Variants in SMARCD3 observed in about 807,000 individuals in gnomAD.
SMARCD3 encodes the protein SWI/SNF related BAF chromatin remodeling complex subunit D3.
Under a neutral mutation model 58.0 loss-of-function variants are expected in SMARCD3, and 14 were observed. That is an observed-to-expected ratio of 0.24 (90% confidence interval 0.16 to 0.38). The LOEUF is 0.38. Ranked by LOEUF, SMARCD3 falls within the 10% of genes least tolerant of loss-of-function variation. The pLI is 1.00. For missense variants in SMARCD3, 408 were observed against 636.9 expected (o/e 0.64, Z 3.87); for synonymous variants, 253 against 253.8 (o/e 1.00, Z 0.03).
chr7:151,256,263 T>C (rs962636686), intron 2 of SMARCD3, among the ~76,000 whole-genome samples: 3 of 151,512 alleles, frequency 2.0e-5, no homozygotes, highest in Non-Finnish European at 2.9e-5. Context: ...CTCTGCCTCC[T>C]GGGCTCAAGC....
chr7:151,273,664 C>G (rs923463820), intron 2 of SMARCD3, among the ~76,000 whole-genome samples: 10 of 152,234 alleles, frequency 6.6e-5, no homozygotes, highest in African/African-American at 2.4e-4. Flanking sequence ...AAGGGTGGGA[C>G]GTTTGCTTGG....
Position 151,242,676 on chromosome 7 carries a change from G to A in SMARCD3, c.456+45C>T. On this transcript the variant is annotated intron_variant, in intron 4 of 12. Coordinates refer to ENST00000262188, the MANE Select transcript of SMARCD3 (RefSeq NM_001003801.2). The surrounding 1 kb of genome is among the most constrained non-coding windows in gnomAD (Gnocchi z 4.7). ...CCGACCACCCTGCTTCCCCATCCTGGTCACACAACTCTAGAGTCCCCTTCC... is the reference window on the plus strand; with the variant it reads ...CCGACCACCCTGCTTCCCCATCCTGATCACACAACTCTAGAGTCCCCTTCC... 4 of 1,613,350 alleles carry A rather than the reference G, an allele frequency of 2.5e-6. No individual in the cohort carries two copies. Among genetic ancestry groups the A allele is most frequent in the Non-Finnish European group, 3.4e-6 (4 of 1,179,428 alleles).
chr7:151,243,738 G>T lies in SMARCD3; in HGVS notation c.291-37C>A. On this transcript the variant is annotated intron_variant, in intron 2 of 12. Coordinates refer to ENST00000262188, the MANE Select transcript of SMARCD3 (RefSeq NM_001003801.2). This position sits in a 1 kb window ranked among gnomAD's most constrained non-coding sequence, Gnocchi z 4.4. ...TTAAAGAAAAAACCAGGTTACCATG[G>T]CGACAGATCTGGGCGTAACGAGGCC... 2 of 1,510,558 alleles carry T rather than the reference G, an allele frequency of 1.3e-6. No homozygotes were observed. Among genetic ancestry groups the T allele is most frequent in the Non-Finnish European group, 1.8e-6 (2 of 1,085,506 alleles). 93.6% of individuals were successfully genotyped at this position (1,510,558 alleles called of 1,614,324 possible). A position where few individuals can be genotyped will look rare whatever the true frequency, so the allele number is the denominator to read the frequency against.
intron 2 of SMARCD3, among the ~76,000 whole-genome samples, chr7:151,258,647 A>G (rs1276856794): frequency 1.3e-5 from 2 of 151,478 alleles, no homozygotes; most frequent in Non-Finnish European, 2.9e-5. Context: ...CAGGCCTTCC[A>G]TCTTATTCCG....
intron 2 of SMARCD3, among the ~76,000 whole-genome samples, chr7:151,264,437 C>T (rs1188519981): frequency 1.3e-5 from 2 of 152,138 alleles, no homozygotes; most frequent in Non-Finnish European, 2.9e-5. Context: ...ATGGCAGTGG[C>T]TTTTGGCACA....
intron 2 of SMARCD3, among the ~76,000 whole-genome samples, chr7:151,266,082 G>A (rs561342082): frequency 6.6e-6 from 1 of 152,082 alleles, no homozygotes; most frequent in South Asian, 2.1e-4. Flanking sequence ...CGATTCTCAT[G>A]CCTCCGCCTC....
intron 2 of SMARCD3, among the ~76,000 whole-genome samples, chr7:151,266,769 T>C (rs1164164679): frequency 6.6e-6 from 1 of 152,188 alleles, no homozygotes; most frequent in Non-Finnish European, 1.5e-5. Context: ...TGGAGTACAG[T>C]GGTGTGATCA....
At chr7:151,240,813 A>G (rs770737615) in intron 8 of SMARCD3, 9 of 421,912 alleles carry the variant, frequency 2.1e-5, no homozygotes, top group Admixed American at 4.1e-5. Flanking sequence ...GGAGCAAGTT[A>G]ACACCTCAGG....
At chr7:151,268,313 G>T (rs1003944512) in intron 2 of SMARCD3, among the ~76,000 whole-genome samples, 1 of 152,212 alleles carries the variant, frequency 6.6e-6, no homozygotes, top group Non-Finnish European at 1.5e-5. Context: ...AGAGACAATC[G>T]GGTGGAGCTG....
intron 2 of SMARCD3, among the ~76,000 whole-genome samples, chr7:151,257,567 C>T (rs1245730036): frequency 4.6e-5 from 7 of 152,262 alleles, no homozygotes; most frequent in African/African-American, 7.2e-5. Flanking sequence ...CCTTGTGATC[C>T]GCCTGCCTTG....
chr7:151,269,700 C>T (rs1009344791), intron 2 of SMARCD3, among the ~76,000 whole-genome samples: 1 of 152,114 alleles, frequency 6.6e-6, no homozygotes, highest in Non-Finnish European at 1.5e-5. Flanking sequence ...TTAGATGGTG[C>T]TCTGGGGTCC....
intron 2 of SMARCD3, among the ~76,000 whole-genome samples, chr7:151,266,772 T>C (rs11976921): frequency 0.099 from 15,082 of 152,206 alleles, 854 homozygotes; most frequent in African/African-American, 0.12. Context: ...AGTACAGTGG[T>C]GTGATCATGG....
chr7:151,243,754 T>C lies in SMARCD3; in HGVS notation c.291-53A>G. On this transcript the variant is annotated intron_variant, in intron 2 of 12. Coordinates refer to ENST00000262188, the MANE Select transcript of SMARCD3 (RefSeq NM_001003801.2). This position sits in a 1 kb window ranked among gnomAD's most constrained non-coding sequence, Gnocchi z 4.4. ...GTTACCATGGCGACAGATCTGGGCG[T>C]AACGAGGCCACCTGCTAGATTATCC... 1 of 1,276,102 alleles carries C rather than the reference T, an allele frequency of 7.8e-7. No individual in the cohort carries two copies. The highest frequency in any genetic ancestry group is 1.2e-5 in the South Asian group (1 of 84,300). 79.0% of individuals were successfully genotyped at this position (1,276,102 alleles called of 1,614,324 possible). A position where few individuals can be genotyped will look rare whatever the true frequency, so the allele number is the denominator to read the frequency against.
intron 1 of SMARCD3, among the ~76,000 whole-genome samples, chr7:151,275,883 G>C (rs1174338737): frequency 6.6e-6 from 1 of 152,170 alleles, no homozygotes; most frequent in African/African-American, 2.4e-5. Context: ...GCTAAGAAGA[G>C]AGCAGTGCTG....
chr7:151,264,554 C>T (rs189410299), intron 2 of SMARCD3, among the ~76,000 whole-genome samples: 1 of 152,288 alleles, frequency 6.6e-6, no homozygotes, highest in African/African-American at 2.4e-5. Flanking sequence ...AGGTCAGCAC[C>T]TGGGGTAGGA....
At chr7:151,240,695 G>A (rs1802940329) in intron 8 of SMARCD3, 173 bp from the exon 9 acceptor site, 1 of 593,926 alleles carries the variant, frequency 1.7e-6, no homozygotes, top group South Asian at 2.0e-5. Context: ...CCACCGGTAT[G>A]GCTGACAAGA....
rs1803291086 is a variant in SMARCD3, at chr7:151,246,858, C to A, written c.79-1187G>T. Among the ~76,000 whole-genome samples, 1 of 152,078 alleles carries A rather than the reference C, an allele frequency of 6.6e-6. No homozygotes were observed. The highest frequency in any genetic ancestry group is 6.5e-5 in the Admixed American group (1 of 15,276). ...GGGATGGGGACTGGGACCACGAAAG[C>A]AGGAAGAAGATCAGAGGGCAGGGGA... On this transcript the variant is annotated intron_variant, in intron 1 of 12. Transcript: ENST00000262188. This position sits in a 1 kb window ranked among gnomAD's most constrained non-coding sequence, Gnocchi z 4.4.
Position 151,239,281 on chromosome 7 carries a change from G to A in SMARCD3, c.1398+115C>T. On this transcript the variant is annotated intron_variant, in intron 12 of 12. Transcript: ENST00000262188. The surrounding 1 kb of genome is among the most constrained non-coding windows in gnomAD (Gnocchi z 7.0). The stretch of plus-strand genomic sequence containing the variant: ...AGCAGGGAGGGCCATTGCATGGTGA[G>A]GCAGCGTGGTGAAGCTTTACTGTGG... 4 of 1,322,462 alleles carry A rather than the reference G, an allele frequency of 3.0e-6. No individual in the cohort carries two copies. Among genetic ancestry groups the A allele is most frequent in the Non-Finnish European group, 4.4e-6 (4 of 916,478 alleles). 81.9% of individuals were successfully genotyped at this position (1,322,462 alleles called of 1,614,324 possible).
intron 2 of SMARCD3, among the ~76,000 whole-genome samples, chr7:151,273,677 G>A (rs1795247171): frequency 1.3e-5 from 2 of 152,242 alleles, no homozygotes; most frequent in African/African-American, 4.8e-5. Context: ...TTGCTTGGAG[G>A]CCTTGACTTT....
Sources: allele counts gnomAD v4.1 joint callset (sites outside exome capture counted in the v4.1 genomes callset), GRCh38; gene constraint gnomAD v4.1.1; non-coding constraint Gnocchi (gnomAD v3.1); transcripts MANE v1.5; gene names NCBI Gene and HGNC (gene_info 2026-07-23, HGNC 2026-07-21).